Variants in FAM135B observed in about 807,000 individuals in gnomAD.
FAM135B encodes family with sequence similarity 135 member B.
In FAM135B, 43 loss-of-function variants were observed where a neutral mutation model predicts 127.7. The ratio of observed to expected loss-of-function variants is 0.34; its 90% confidence interval spans 0.26 to 0.43. The LOEUF is 0.43. Ranked by LOEUF, FAM135B falls within the 20% of genes least tolerant of loss-of-function variation. The pLI is 1.00. For missense variants in FAM135B, 1,558 were observed against 1,725.6 expected, an observed-to-expected ratio of 0.90 and a Z score of 1.72; for synonymous variants, 670 against 665.1, an observed-to-expected ratio of 1.01 and a Z score of -0.11.
At position 138,167,933 on chromosome 8, in the gene FAM135B, A is replaced by G; in HGVS notation, c.1220T>C (p.Val407Ala). The stretch of plus-strand genomic sequence containing the variant: ...GTCCACGTATCTGTCCTCAAAGATC[A>G]CCGGCAGGGTGTTCCAATCGCCGTC... ...DIDGDWNTLP[V>A]IFEDRYVDCP... The change falls in exon 12 of 20, where the codon GTG (valine) becomes GCG (alanine). Residue 407 changes from valine to alanine, a missense_variant. Around this residue, in one of 5 missense-constraint regions of FAM135B, gnomAD observed 115 missense variants for 171.1 expected, o/e 0.67. Coordinates refer to ENST00000395297, the MANE Select transcript of FAM135B (RefSeq NM_015912.4). 1 of 1,613,554 alleles carries G rather than the reference A, an allele frequency of 6.2e-7. No individual in the cohort carries two copies. The highest frequency in any genetic ancestry group is 8.5e-7 in the Non-Finnish European group (1 of 1,179,754).
intron 1 of FAM135B, among the ~76,000 whole-genome samples, chr8:138,485,382 C>T (rs1049612244): frequency 2.0e-5 from 3 of 152,124 alleles, no homozygotes; most frequent in African/African-American, 7.2e-5. Flanking sequence ...AGAGTCGCAT[C>T]GAGGTTCCTC....
At chr8:138,309,646 T>C (rs1269743158) in intron 3 of FAM135B, among the ~76,000 whole-genome samples, 1 of 152,210 alleles carries the variant, frequency 6.6e-6, no homozygotes, top group Non-Finnish European at 1.5e-5. Context: ...CTTGTGGGTA[T>C]TCAATTGCAT....
chr8:138,389,195 T>C (rs1832394469), intron 1 of FAM135B, among the ~76,000 whole-genome samples: 1 of 152,204 alleles, frequency 6.6e-6, no homozygotes, highest in Non-Finnish European at 1.5e-5. Flanking sequence ...CCTTATACAT[T>C]GTTGGTGGGA....
chr8:138,462,758 C>T (rs1007381703), intron 1 of FAM135B, among the ~76,000 whole-genome samples: 1 of 152,064 alleles, frequency 6.6e-6, no homozygotes, highest in Non-Finnish European at 1.5e-5. Context: ...CAAGCACCAG[C>T]GTGAGGTGCA....
intron 7 of FAM135B, among the ~76,000 whole-genome samples, chr8:138,201,928 C>A (rs1291847121): frequency 6.6e-6 from 1 of 151,982 alleles, no homozygotes. Flanking sequence ...GAGTTCGAGA[C>A]CAGCCTTACC....
chr8:138,192,691 T>C (rs1222726385), intron 9 of FAM135B, among the ~76,000 whole-genome samples: 1 of 152,166 alleles, frequency 6.6e-6, no homozygotes, highest in Non-Finnish European at 1.5e-5. Context: ...CACTCCTGAC[T>C]CACTGGCCCC....
intron 7 of FAM135B, among the ~76,000 whole-genome samples, chr8:138,202,141 G>C (rs868295074): frequency 1.8e-5 from 1 of 56,384 alleles, no homozygotes; most frequent in Non-Finnish European, 3.5e-5. Context: ...AAAAAAAAAA[G>C]GCACCTCTCC....
intron 9 of FAM135B, among the ~76,000 whole-genome samples, chr8:138,182,108 G>T (rs79245889): frequency 0.018 from 2,796 of 152,246 alleles, 76 homozygotes; most frequent in African/African-American, 0.064. Flanking sequence ...CAGTGGCACC[G>T]GCAAACACAG....
At chr8:138,255,501 C>T (rs1389157349) in intron 5 of FAM135B, among the ~76,000 whole-genome samples, 1 of 152,156 alleles carries the variant, frequency 6.6e-6, no homozygotes, top group African/African-American at 2.4e-5. Context: ...CAAAGGCCAT[C>T]AGGAGAGAAG....
chr8:138,157,297 C>G (rs907540431), intron 12 of FAM135B, among the ~76,000 whole-genome samples: 4 of 152,044 alleles, frequency 2.6e-5, no homozygotes, highest in African/African-American at 9.7e-5. Flanking sequence ...GGACATATCT[C>G]AAAATAATAA....
intron 2 of FAM135B, among the ~76,000 whole-genome samples, chr8:138,337,657 C>A (rs1206467607): frequency 6.6e-6 from 1 of 152,046 alleles, no homozygotes; most frequent in African/African-American, 2.4e-5. Context: ...TAGGAAGAAT[C>A]AATATTGTGA....
At chr8:138,284,396 C>A (rs1452590841) in intron 3 of FAM135B, among the ~76,000 whole-genome samples, 1 of 152,184 alleles carries the variant, frequency 6.6e-6, no homozygotes, top group Non-Finnish European at 1.5e-5. Flanking sequence ...TGAGAAGAAT[C>A]TTTTCAATAT....
At chr8:138,464,164 C>T (rs79759712) in intron 1 of FAM135B, among the ~76,000 whole-genome samples, 4,555 of 152,214 alleles carry the variant, frequency 0.03, 178 homozygotes, top group African/African-American at 0.089. Context: ...CACCCTAGAC[C>T]TTAAGAAGGT....
intron 1 of FAM135B, among the ~76,000 whole-genome samples, chr8:138,436,009 C>T (rs1835433662): frequency 6.6e-6 from 1 of 152,196 alleles, no homozygotes; most frequent in Admixed American, 6.5e-5. Context: ...GACCTTCAGA[C>T]TATACTATCT....
At chr8:138,135,419 C>T (rs1056512631) in intron 19 of FAM135B, among the ~76,000 whole-genome samples, 2 of 151,570 alleles carry the variant, frequency 1.3e-5, no homozygotes, top group Non-Finnish European at 2.9e-5. Flanking sequence ...GTCCCATGGG[C>T]AATTAGAAAA....
intron 14 of FAM135B, among the ~76,000 whole-genome samples, chr8:138,147,372 G>C (rs1817741222): frequency 6.6e-6 from 1 of 151,900 alleles, no homozygotes; most frequent in African/African-American, 2.4e-5. Context: ...CTGAGGGAAA[G>C]AGAACTTTCT....
At chr8:138,172,710 AGG>A (rs1290744338) in intron 11 of FAM135B, among the ~76,000 whole-genome samples, 21 of 152,232 alleles carry the variant, frequency 1.4e-4, no homozygotes, top group Non-Finnish European at 2.8e-4. Context: ...AATTATGCAG[AGG>A]GAGGGAGGAA....
rs566953718 is a variant in FAM135B at position 138,178,195 on chromosome 8, C to A, written c.1029+340G>T. Among the ~76,000 whole-genome samples, 168 of 150,658 alleles carry A rather than the reference C, an allele frequency of 1.1e-3. 2 individuals are homozygous for A. Among genetic ancestry groups the A allele is most frequent in the Admixed American group, 3.9e-3 (58 of 15,050 alleles). Reference sequence around the variant, plus strand: ...TCAGGGAGGTGGAGATTGCAGTGAGCGGAGATTGCACCACTGCACTCCAGT... The same window carrying A: ...TCAGGGAGGTGGAGATTGCAGTGAGAGGAGATTGCACCACTGCACTCCAGT... On this transcript the variant is annotated intron_variant, in intron 10 of 19. Coordinates refer to ENST00000395297, the MANE Select transcript of FAM135B (RefSeq NM_015912.4).
At position 138,241,110 on chromosome 8, in the gene FAM135B, A is replaced by C. The variant is rs369329136; in HGVS notation, c.669+1832T>G. Among the ~76,000 whole-genome samples, 2 of 152,184 alleles carry C rather than the reference A, an allele frequency of 1.3e-5. No individual in the cohort carries two copies. The highest frequency in any genetic ancestry group is 3.9e-4 in the East Asian group (2 of 5,176). On this transcript the variant is annotated intron_variant, in intron 7 of 19. Transcript: ENST00000395297. This position sits in a 1 kb window ranked among gnomAD's most constrained non-coding sequence, Gnocchi z 4.8. ...ATAGGGAGAAGCTGAACTGTGATGT[A>C]GTCACAGCAAAGGCTTCGGCCGACC...
Sources: allele counts gnomAD v4.1 joint callset (sites outside exome capture counted in the v4.1 genomes callset), GRCh38; gene constraint gnomAD v4.1.1; regional missense constraint gnomAD v4.1.1; non-coding constraint Gnocchi (gnomAD v3.1); transcripts MANE v1.5; gene names NCBI Gene and HGNC (gene_info 2026-07-23, HGNC 2026-07-21).